Variants in MFSD2B observed in about 807,000 individuals in gnomAD.
MFSD2B encodes the protein sphingosine-1-phosphate transporter MFSD2B.
A neutral mutation model predicts 58.4 loss-of-function variants in MFSD2B; 56 were observed. The ratio of observed to expected loss-of-function variants is 0.96; its 90% CI spans 0.77 to 1.20. The LOEUF is 1.20. Ranked by LOEUF, MFSD2B falls within the 50% of genes most tolerant of loss-of-function variation. MFSD2B has a pLI of 0.00. For missense variants in MFSD2B, 645 were observed against 667.6 expected (o/e 0.97, Z 0.37); for synonymous variants, 287 against 294.4 (o/e 0.97, Z 0.26).
intron 2 of MFSD2B, among the ~76,000 whole-genome samples, chr2:24,015,873 C>A (rs535825288): frequency 2.0e-5 from 3 of 152,254 alleles, no homozygotes; most frequent in Non-Finnish European, 4.4e-5. Context: ...AGCCCAGAGG[C>A]ACCCTCCTTG....
rs540490121 is a variant in MFSD2B, at chr2:24,024,468, A to G, written c.1490+197A>G. Among the ~76,000 whole-genome samples, 9 of 151,958 alleles carry G rather than the reference A, an allele frequency of 5.9e-5. No homozygotes were observed. The highest frequency in any genetic ancestry group is 1.9e-4 in the African/African-American group (8 of 41,450). ...ACCCCTTCTCAGTCTTCTTCCTTTG[A>G]TCACCTGGTAGACTGTGGTATGTGA... is the stretch of plus-strand genomic sequence containing the variant. On this transcript the variant is annotated intron_variant, in intron 13 of 13. Transcript: ENST00000338315. The surrounding 1 kb of genome is among the most constrained non-coding windows in gnomAD (Gnocchi z 4.3).
At chr2:24,016,361 G>A in intron 3 of MFSD2B, 81 bp downstream of exon 3, 2 of 1,473,142 alleles carry the variant, frequency 1.4e-6, no homozygotes, top group Non-Finnish European at 1.8e-6. Context: ...CTATTTCCTA[G>A]CAGAAACCCA....
Position 24,023,722 on chromosome 2 carries a change from C to T in MFSD2B, c.1309C>T (p.Leu437=), listed in dbSNP as rs774438786. The T allele has an allele frequency of 6.2e-7, 1 of 1,613,630 alleles. No homozygotes were observed. Among genetic ancestry groups the T allele is most frequent in the Non-Finnish European group, 8.5e-7 (1 of 1,179,728 alleles). Residue 437 remains leucine (L), a synonymous_variant, in exon 12 of 14, where the codon CTG becomes TTG. Transcript: ENST00000338315. This position sits in a 1 kb window ranked among gnomAD's most constrained non-coding sequence, Gnocchi z 5.0. The stretch of plus-strand genomic sequence containing the variant: ...TGCCCTGGGCATCTCCACCCTCAGT[C>T]TGGAGTGAGTCCCAGGGTTAGGATA... ...ACALGISTLS[L]EFSGYKAGVC...
chr2:24,025,646 C>T lies in MFSD2B; in HGVS notation c.*190C>T. On this transcript the variant is annotated 3_prime_UTR_variant, in exon 14 of 14. Coordinates refer to ENST00000338315, the MANE Select transcript of MFSD2B (RefSeq NM_001346880.2). ...CAGGACCCCACTTGGCATTTCTTGT[C>T]TGTTGCCTTCAGACTATCTCAGATA... The T allele has an allele frequency of 1.7e-6, 1 of 603,478 alleles. No individual in the cohort carries two copies. The highest frequency in any genetic ancestry group is 3.0e-6 in the Non-Finnish European group (1 of 336,184). The allele number at this position is 603,478 out of a possible 1,614,324, so 37.4% of individuals were successfully genotyped here.
intron 6 of MFSD2B, among the ~76,000 whole-genome samples, chr2:24,019,825 G>A (rs1662698139): frequency 6.6e-6 from 1 of 152,194 alleles, no homozygotes; most frequent in Admixed American, 6.5e-5. Context: ...GCACCCTCTA[G>A]GTGTCCACTA....
intron 1 of MFSD2B, among the ~76,000 whole-genome samples, chr2:24,011,349 G>C (rs1708948221): frequency 6.6e-6 from 1 of 152,246 alleles, no homozygotes. Flanking sequence ...CCATTAGGGG[G>C]AGAGGGGGAC....
chr2:24,025,628 C>A lies in MFSD2B; in HGVS notation c.*172C>A. On this transcript the variant is annotated 3_prime_UTR_variant, in exon 14 of 14. Transcript: ENST00000338315. ...AGGGACTGGCCCGCACTCCAGGACC[C>A]CACTTGGCATTTCTTGTCTGTTGCC... is the stretch of plus-strand genomic sequence containing the variant. 1 of 622,732 alleles carries A rather than the reference C, an allele frequency of 1.6e-6. No homozygotes were observed. Among genetic ancestry groups the A allele is most frequent in the Non-Finnish European group, 2.9e-6 (1 of 350,330 alleles). 38.6% of individuals were successfully genotyped at this position (622,732 alleles called of 1,614,324 possible).
At chr2:24,015,255 G>A (rs1709096741) in intron 2 of MFSD2B, among the ~76,000 whole-genome samples, 1 of 150,844 alleles carries the variant, frequency 6.6e-6, no homozygotes, top group South Asian at 2.1e-4. Flanking sequence ...GGGCAACATG[G>A]CAAAACTCCA....
chr2:24,010,519 G>A (rs1467296338), intron 1 of MFSD2B, among the ~76,000 whole-genome samples: 2 of 152,220 alleles, frequency 1.3e-5, no homozygotes, highest in Admixed American at 6.5e-5. Context: ...GGCAGGCAGG[G>A]CTTTCTGAAG....
Position 24,023,097 on chromosome 2 carries a change from G to A in MFSD2B, c.1060-33G>A. Reference sequence around the variant, plus strand: ...AGGAGCAGGCCCCACGAAGAAGCAGGTGGCGGGACAGCTGGTGTGTGTGTC... The same window carrying A: ...AGGAGCAGGCCCCACGAAGAAGCAGATGGCGGGACAGCTGGTGTGTGTGTC... On this transcript the variant is annotated intron_variant, in intron 10 of 13. Coordinates refer to ENST00000338315, the MANE Select transcript of MFSD2B (RefSeq NM_001346880.2). This position sits in a 1 kb window ranked among gnomAD's most constrained non-coding sequence, Gnocchi z 5.0. 1 of 1,566,666 alleles carries A rather than the reference G, an allele frequency of 6.4e-7. No individual in the cohort carries two copies. Among genetic ancestry groups the A allele is most frequent in the Non-Finnish European group, 8.8e-7 (1 of 1,141,276 alleles).
At position 24,017,704 on chromosome 2, in the gene MFSD2B, C is replaced by G. The variant is rs868680369; in HGVS notation, c.681+116C>G. Reference sequence around the variant, plus strand: ...ACTTTGTTGTCTTTTAGGGGGCTCACTGTGCCCCCTCATTCCTTCCCTGCT... The same window carrying G: ...ACTTTGTTGTCTTTTAGGGGGCTCAGTGTGCCCCCTCATTCCTTCCCTGCT... On this transcript the variant is annotated intron_variant, in intron 6 of 13. Transcript: ENST00000338315. The surrounding 1 kb of genome is among the most constrained non-coding windows in gnomAD (Gnocchi z 4.8). 5 of 1,105,778 alleles carry G rather than the reference C, an allele frequency of 4.5e-6. No individual in the cohort carries two copies. The highest frequency in any genetic ancestry group is 6.3e-6 in the Non-Finnish European group (5 of 788,340). 68.5% of individuals were successfully genotyped at this position (1,105,778 alleles called of 1,614,324 possible). A position where few individuals can be genotyped will look rare whatever the true frequency, so the allele number is the denominator to read the frequency against.
Position 24,018,622 on chromosome 2 carries a change from C to T in MFSD2B, c.681+1034C>T, listed in dbSNP as rs35555165. The T allele has an allele frequency of 1.7e-5, 3 of 180,756 alleles. No homozygotes were observed. The East Asian group carries it at 2.7e-4, about 16-fold the overall frequency. The allele number at this position is 180,756 out of a possible 1,614,324, so 11.2% of individuals were successfully genotyped here. A position where few individuals can be genotyped will look rare whatever the true frequency, so the allele number is the denominator to read the frequency against. On this transcript the variant is annotated intron_variant, in intron 6 of 13. Transcript: ENST00000338315. Reference sequence around the variant, plus strand: ...GTAGGGGCCACCTCCTCCCCCTGTTCTGTTGGGGAGGGGTAGCCATGATTT... The same window carrying T: ...GTAGGGGCCACCTCCTCCCCCTGTTTTGTTGGGGAGGGGTAGCCATGATTT...
Position 24,025,727 on chromosome 2 carries a change from G to C in MFSD2B, c.*271G>C, listed in dbSNP as rs181063613. ...TTGTCTCTAGAAAAAGGAAGCTCCT[G>C]CCCAACCTGGCTTGTGGACCAGTAA... On this transcript the variant is annotated 3_prime_UTR_variant, in exon 14 of 14. Transcript: ENST00000338315. 6.8e-6 allele frequency: 3 copies of C among 438,124 alleles called. No homozygotes were observed. The highest frequency in any genetic ancestry group is 3.9e-5 in the African/African-American group (2 of 50,904). The allele number at this position is 438,124 out of a possible 1,614,324, so 27.1% of individuals were successfully genotyped here. A position where few individuals can be genotyped will look rare whatever the true frequency, so the allele number is the denominator to read the frequency against.
At chr2:24,015,232 T>A (rs1709096010) in intron 2 of MFSD2B, among the ~76,000 whole-genome samples, 2 of 150,592 alleles carry the variant, frequency 1.3e-5, no homozygotes, top group South Asian at 4.2e-4. Flanking sequence ...GCTCAGGTGT[T>A]CAAGACCAGC....
chr2:24,025,138 G>A (rs541985078), intron 13 of MFSD2B, among the ~76,000 whole-genome samples: 12 of 152,324 alleles, frequency 7.9e-5, no homozygotes, highest in Admixed American at 4.6e-4. Flanking sequence ...GACAGGCAGT[G>A]GGTGGCCTTG....
At chr2:24,018,798 T>C (rs1662634254) in intron 6 of MFSD2B, 1 of 164,504 alleles carries the variant, frequency 6.1e-6, no homozygotes, top group East Asian at 1.3e-4. Flanking sequence ...GCAGCCTTCA[T>C]GTAGGCCTCT....
chr2:24,015,198 G>C (rs527445332), intron 2 of MFSD2B, among the ~76,000 whole-genome samples: 1 of 152,030 alleles, frequency 6.6e-6, no homozygotes, highest in South Asian at 2.1e-4. Context: ...CACTTTGGGA[G>C]GTCAAGGCGG....
chr2:24,023,262 AC>A lies in MFSD2B; in HGVS notation c.1169+24del, dbSNP rs761403672. 7.0e-6 allele frequency: 11 copies of A among 1,567,040 alleles called. No homozygotes were observed. The highest frequency in any genetic ancestry group is 9.7e-6 in the Non-Finnish European group (11 of 1,138,418). On this transcript the variant is annotated intron_variant, in intron 11 of 13. Transcript: ENST00000338315. The surrounding 1 kb of genome is among the most constrained non-coding windows in gnomAD (Gnocchi z 5.0). ...CTGGTAGGCTGGGTGTGGGGGCCTC[AC>A]GTGTGTCCACAGTGGGTGTCACCTC...
At position 24,026,064 on chromosome 2, in the gene MFSD2B, T is replaced by G. The variant is rs745929526; in HGVS notation, c.*608T>G. 6.6e-6 allele frequency: 1 copy of G among 152,378 alleles called. No individual in the cohort carries two copies. The highest frequency in any genetic ancestry group is 1.5e-5 in the Non-Finnish European group (1 of 68,224). The allele number at this position is 152,378 out of a possible 1,614,324, so 9.4% of individuals were successfully genotyped here. ...AGGTGATCCTACTGCCTCAGCCTCC[T>G]GAGTAGCTGGGATTACAGACACAGC... On this transcript the variant is annotated 3_prime_UTR_variant, in exon 14 of 14. Transcript: ENST00000338315.
Sources: allele counts gnomAD v4.1 joint callset (sites outside exome capture counted in the v4.1 genomes callset), GRCh38; gene constraint gnomAD v4.1.1; non-coding constraint Gnocchi (gnomAD v3.1); transcripts MANE v1.5; gene names NCBI Gene and HGNC (gene_info 2026-07-23, HGNC 2026-07-21).